MACROD1: variants seen among roughly 807,000 people sequenced by gnomAD.
The protein encoded by MACROD1 is ADP-ribose glycohydrolase MACROD1.
A neutral mutation model predicts 41.4 loss-of-function variants in MACROD1; 31 were observed. That is an observed-to-expected ratio of 0.75 (90% CI 0.56 to 1.01). The LOEUF is 1.01. Ranked by LOEUF, MACROD1 falls within the 50% of genes least tolerant of loss-of-function variation. The pLI, the probability that MACROD1 is intolerant of heterozygous loss-of-function variation, is 0.00. For synonymous variants in MACROD1, 252 were observed against 203.4 expected, an observed-to-expected ratio of 1.24 and a Z score of -2.03; for missense variants, 473 against 460.0, an observed-to-expected ratio of 1.03 and a Z score of -0.26.
At chr11:64,151,910 C>T (rs1165701716) in intron 2 of MACROD1, among the ~76,000 whole-genome samples, 2 of 152,172 alleles carry the variant, frequency 1.3e-5, no homozygotes, top group East Asian at 1.9e-4. Flanking sequence ...GGGCAGATCA[C>T]TTGAGGTCAG....
At chr11:64,032,315 G>A (rs986166689) in intron 3 of MACROD1, among the ~76,000 whole-genome samples, 11 of 152,186 alleles carry the variant, frequency 7.2e-5, no homozygotes, top group African/African-American at 1.7e-4. Flanking sequence ...CTGGACTCTC[G>A]CTAGCCCTGG....
intron 3 of MACROD1, among the ~76,000 whole-genome samples, chr11:64,129,300 C>T (rs1945231590): frequency 6.6e-6 from 1 of 152,240 alleles, no homozygotes; most frequent in Admixed American, 6.5e-5. Flanking sequence ...CCTCTCTGTG[C>T]CTCAGTTTCC....
At chr11:64,049,454 C>T (rs1052708937) in intron 3 of MACROD1, among the ~76,000 whole-genome samples, 1 of 152,172 alleles carries the variant, frequency 6.6e-6, no homozygotes, top group African/African-American at 2.4e-5. Flanking sequence ...CCGCATGACT[C>T]GCTTCATCCT....
intron 3 of MACROD1, chr11:64,116,283 C>T: frequency 6.3e-7 from 1 of 1,598,196 alleles, no homozygotes; most frequent in Non-Finnish European, 8.5e-7. Context: ...GGTGGCACAC[C>T]CCACCGCCAC....
chr11:64,117,187 C>A, intron 3 of MACROD1: 1 of 1,614,084 alleles, frequency 6.2e-7, no homozygotes, highest in Non-Finnish European at 8.5e-7. Context: ...AACAACCTGA[C>A]CACGCTGCCC....
intron 3 of MACROD1, among the ~76,000 whole-genome samples, chr11:64,034,469 A>G (rs1943335678): frequency 6.6e-6 from 1 of 152,234 alleles, no homozygotes; most frequent in Non-Finnish European, 1.5e-5. Context: ...AAGGGAGTTA[A>G]GGGGAGGGAA....
chr11:64,147,739 TA>T (rs1945514881), intron 3 of MACROD1, among the ~76,000 whole-genome samples: 1 of 21,252 alleles, frequency 4.7e-5, no homozygotes, highest in Admixed American at 8.5e-4. Context: ...TCTGATGTTC[TA>T]TTATATATAT....
chr11:64,073,477 A>G (rs1354337979), intron 3 of MACROD1, among the ~76,000 whole-genome samples: 1 of 152,248 alleles, frequency 6.6e-6, no homozygotes, highest in Admixed American at 6.5e-5. Context: ...GGTGGACAGC[A>G]TGAAACTGGA....
At chr11:64,049,403 C>G (rs774702644) in intron 3 of MACROD1, among the ~76,000 whole-genome samples, 3 of 152,214 alleles carry the variant, frequency 2.0e-5, no homozygotes, top group Admixed American at 2.0e-4. Flanking sequence ...AGCAGGCCCC[C>G]TGAGCACTTC....
intron 3 of MACROD1, among the ~76,000 whole-genome samples, chr11:64,087,437 A>G (rs1308061777): frequency 6.6e-6 from 1 of 152,154 alleles, no homozygotes; most frequent in Non-Finnish European, 1.5e-5. Flanking sequence ...TCTGCCTCCC[A>G]AGAAAGCCAG....
chr11:64,155,825 G>C (rs1945658780), intron 1 of MACROD1, among the ~76,000 whole-genome samples: 2 of 151,828 alleles, frequency 1.3e-5, no homozygotes, highest in Admixed American at 1.3e-4. Context: ...AATCAGCTGA[G>C]CGGCCGGGCA....
intron 3 of MACROD1, among the ~76,000 whole-genome samples, chr11:64,024,418 G>GC (rs1943198742): frequency 6.6e-6 from 1 of 152,194 alleles, no homozygotes; most frequent in Admixed American, 6.5e-5. Context: ...GTTCGCAGAG[G>GC]CTGAGTGACT....
chr11:64,034,244 CG>C (rs1481194645), intron 3 of MACROD1, among the ~76,000 whole-genome samples: 9 of 152,170 alleles, frequency 5.9e-5, no homozygotes, highest in African/African-American at 2.2e-4. Context: ...GAAGGCGGGA[CG>C]GAAACCACAG....
chr11:64,066,034 G>A (rs1015188434), intron 3 of MACROD1, among the ~76,000 whole-genome samples: 6 of 151,908 alleles, frequency 3.9e-5, no homozygotes, highest in East Asian at 2.0e-4. Context: ...GGTGGCTCAC[G>A]CCTGTAATCC....
intron 1 of MACROD1, among the ~76,000 whole-genome samples, chr11:64,159,320 GAAAAAAAAA>G (rs34061690): frequency 9.6e-6 from 1 of 104,020 alleles, no homozygotes; most frequent in African/African-American, 3.7e-5. Context: ...CTCCGTCTCA[GAAAAAAAAA>G]AAAAAAAAAA....
intron 4 of MACROD1, among the ~76,000 whole-genome samples, chr11:64,010,328 TGTTG>T (rs1313024905): frequency 2.6e-4 from 32 of 124,618 alleles, no homozygotes; most frequent in African/African-American, 8.9e-4. Context: ...TTGTTTGGGG[TGTTG>T]GTTGGGGTGT....
At chr11:64,110,387 C>A (rs931424439) in intron 3 of MACROD1, among the ~76,000 whole-genome samples, 4 of 151,248 alleles carry the variant, frequency 2.6e-5, no homozygotes, top group African/African-American at 9.7e-5. Context: ...GAGGTCGAGG[C>A]TGCAGTGAGC....
chr11:64,010,383 T>C (rs144964298), intron 4 of MACROD1, among the ~76,000 whole-genome samples: 1,962 of 147,304 alleles, frequency 0.013, 32 homozygotes, highest in East Asian at 0.052. Context: ...GGATGTTGGC[T>C]GGGGTGTTGA....
At chr11:64,078,342 C>T (rs1324008034) in intron 3 of MACROD1, among the ~76,000 whole-genome samples, 1 of 152,246 alleles carries the variant, frequency 6.6e-6, no homozygotes, top group Non-Finnish European at 1.5e-5. Context: ...CCTCCCCTCC[C>T]AGTCCCTGGC....
Sources: allele counts gnomAD v4.1 joint callset (sites outside exome capture counted in the v4.1 genomes callset), GRCh38; gene constraint gnomAD v4.1.1; transcripts MANE v1.5; gene names NCBI Gene and HGNC (gene_info 2026-07-23, HGNC 2026-07-21).